Variants in TRABD2B observed in about 807,000 individuals in gnomAD.
TRABD2B encodes the protein TraB domain containing 2B.
TRABD2B carries 14 observed loss-of-function variants against 40.1 expected under a neutral mutation model. That is an observed-to-expected ratio of 0.35 (90% CI 0.23 to 0.55). The LOEUF is 0.55. TRABD2B is among the 20% of genes least tolerant of loss of function. The pLI, the probability that TRABD2B is intolerant of heterozygous loss-of-function variation, is 0.90. For synonymous variants in TRABD2B, 263 were observed against 277.0 expected (o/e 0.95, Z 0.50); for missense variants, 541 against 648.6 (o/e 0.83, Z 1.80).
At chr1:47,814,680 G>A (rs915613428) in intron 2 of TRABD2B, among the ~76,000 whole-genome samples, 4 of 152,132 alleles carry the variant, frequency 2.6e-5, no homozygotes, top group Non-Finnish European at 5.9e-5. Context: ...GGGAGCGGTT[G>A]GACAAATGCA....
chr1:47,896,270 G>A (rs1421782860), intron 2 of TRABD2B, among the ~76,000 whole-genome samples: 2 of 152,228 alleles, frequency 1.3e-5, no homozygotes, highest in Non-Finnish European at 2.9e-5. Context: ...AGGGCCTAGA[G>A]GGAAGAGAGG....
rs1306700987 is a variant in TRABD2B at position 47,778,425 on chromosome 1, G to A, written c.1079+29C>T. 3 of 1,504,380 alleles carry A rather than the reference G, an allele frequency of 2.0e-6. No individual in the cohort carries two copies. The African/African-American group carries it at 4.1e-5, about 21-fold the overall frequency. The allele number at this position is 1,504,380 out of a possible 1,614,324, so 93.2% of individuals were successfully genotyped here. ...CTGGGCAGGAAGGCAGGGTCAGTGA[G>A]GGCCAAGGCACACCCAGATGTGGCT... On this transcript the variant is annotated intron_variant, in intron 5 of 6. Coordinates refer to ENST00000606738, the MANE Select transcript of TRABD2B (RefSeq NM_001194986.2).
chr1:47,857,250 C>A (rs1243865267), intron 2 of TRABD2B, among the ~76,000 whole-genome samples: 1 of 152,206 alleles, frequency 6.6e-6, no homozygotes, highest in Non-Finnish European at 1.5e-5. Context: ...GCTCCCTAAT[C>A]AGGGAAACCC....
chr1:47,930,010 A>G (rs1645018561), intron 2 of TRABD2B, among the ~76,000 whole-genome samples: 1 of 152,060 alleles, frequency 6.6e-6, no homozygotes, highest in African/African-American at 2.4e-5. Context: ...TGCTCCACAT[A>G]CATACCAATT....
intron 2 of TRABD2B, among the ~76,000 whole-genome samples, chr1:47,847,999 C>T (rs761804810): frequency 6.6e-5 from 10 of 152,188 alleles, no homozygotes; most frequent in South Asian, 4.1e-4. Context: ...GAGCTTGAGA[C>T]AAACTCTTCT....
chr1:47,846,894 A>ACACACACACGCACG (rs1439715341), intron 2 of TRABD2B, among the ~76,000 whole-genome samples: 1 of 145,578 alleles, frequency 6.9e-6, no homozygotes, highest in Non-Finnish European at 1.5e-5. Flanking sequence ...ACACACACAC[A>ACACACACACGCACG]CAAATGAGGG....
At chr1:47,845,325 C>T (rs968141478) in intron 2 of TRABD2B, among the ~76,000 whole-genome samples, 1 of 152,220 alleles carries the variant, frequency 6.6e-6, no homozygotes, top group Non-Finnish European at 1.5e-5. Context: ...TCCACACTTT[C>T]TCTTCTTAAT....
rs1198560367 is a variant in TRABD2B at position 47,813,327 on chromosome 1, G to A, written c.667-11708C>T. Among the ~76,000 whole-genome samples the A allele has an allele frequency of 3.3e-5, 5 of 152,146 alleles. No individual in the cohort carries two copies. The highest frequency in any genetic ancestry group is 7.3e-5 in the Non-Finnish European group (5 of 68,032). On this transcript the variant is annotated intron_variant, in intron 2 of 6. Coordinates refer to ENST00000606738, the MANE Select transcript of TRABD2B (RefSeq NM_001194986.2). This position sits in a 1 kb window ranked among gnomAD's most constrained non-coding sequence, Gnocchi z 4.3. Reference sequence around the variant, plus strand: ...TCCTGGGCAGTAGCCAAGGAGGACCGGATTGGAGGGGGCACCTCCAGGTGG... The same window carrying A: ...TCCTGGGCAGTAGCCAAGGAGGACCAGATTGGAGGGGGCACCTCCAGGTGG...
intron 2 of TRABD2B, among the ~76,000 whole-genome samples, chr1:47,873,316 G>C (rs1644171831): frequency 6.6e-6 from 1 of 152,174 alleles, no homozygotes; most frequent in South Asian, 2.1e-4. Flanking sequence ...GATGAAGCTG[G>C]TGTGTGGCTC....
intron 2 of TRABD2B, among the ~76,000 whole-genome samples, chr1:47,966,007 T>C (rs201828771): frequency 6.6e-6 from 1 of 152,156 alleles, no homozygotes; most frequent in Non-Finnish European, 1.5e-5. Context: ...GCACTCCACA[T>C]CACAGCCATA....
chr1:47,945,604 A>G (rs929958710), intron 2 of TRABD2B, among the ~76,000 whole-genome samples: 1 of 152,144 alleles, frequency 6.6e-6, no homozygotes, highest in Admixed American at 6.6e-5. Flanking sequence ...GTCCCTGACA[A>G]TCACTGATGT....
At chr1:47,952,719 G>A (rs931910279) in intron 2 of TRABD2B, among the ~76,000 whole-genome samples, 1 of 152,150 alleles carries the variant, frequency 6.6e-6, no homozygotes, top group African/African-American at 2.4e-5. Flanking sequence ...AGAGAGAAGG[G>A]CCACCCAGGG....
chr1:47,801,758 C>G (rs997755237), intron 2 of TRABD2B, 139 bp from the exon 3 acceptor site: 1 of 1,099,874 alleles, frequency 9.1e-7, no homozygotes, highest in Non-Finnish European at 1.3e-6. Flanking sequence ...CCAGCTGGCT[C>G]AGGCTGTGTG....
intron 6 of TRABD2B, among the ~76,000 whole-genome samples, chr1:47,767,180 T>C (rs1644316237): frequency 1.3e-5 from 2 of 152,070 alleles, no homozygotes; most frequent in African/African-American, 4.8e-5. Flanking sequence ...GGCTCTGGGA[T>C]AGAGAAACAG....
intron 2 of TRABD2B, among the ~76,000 whole-genome samples, chr1:47,959,133 A>C (rs1011599117): frequency 2.0e-5 from 3 of 152,262 alleles, no homozygotes; most frequent in Non-Finnish European, 4.4e-5. Flanking sequence ...AACGAAATGA[A>C]GGCAGAAATA....
intron 2 of TRABD2B, among the ~76,000 whole-genome samples, chr1:47,869,433 C>T (rs1055001391): frequency 1.3e-5 from 2 of 152,140 alleles, no homozygotes; most frequent in African/African-American, 4.8e-5. Context: ...GTGTGATCAC[C>T]GATTTAAGCA....
chr1:47,851,000 C>T (rs544267551), intron 2 of TRABD2B, among the ~76,000 whole-genome samples: 45 of 152,262 alleles, frequency 3.0e-4, no homozygotes, highest in African/African-American at 1.1e-3. Context: ...GCTGATCTGA[C>T]AGGAGGCGGA....
intron 4 of TRABD2B, among the ~76,000 whole-genome samples, chr1:47,785,523 CAGCGCAA>C (rs1334982115): frequency 6.6e-6 from 1 of 152,262 alleles, no homozygotes; most frequent in Non-Finnish European, 1.5e-5. Flanking sequence ...CTGCCATGAA[CAGCGCAA>C]AGATGGTTAC....
At chr1:47,966,099 G>C (rs944591785) in intron 2 of TRABD2B, among the ~76,000 whole-genome samples, 1 of 152,144 alleles carries the variant, frequency 6.6e-6, no homozygotes, top group African/African-American at 2.4e-5. Context: ...GTCAGCACGG[G>C]GTCTGAGGGT....
Sources: allele counts gnomAD v4.1 joint callset (sites outside exome capture counted in the v4.1 genomes callset), GRCh38; gene constraint gnomAD v4.1.1; non-coding constraint Gnocchi (gnomAD v3.1); transcripts MANE v1.5; gene names NCBI Gene and HGNC (gene_info 2026-07-23, HGNC 2026-07-21).